Variants in PKHD1 observed in about 807,000 individuals in gnomAD.
The protein encoded by PKHD1 is fibrocystin.
Under a neutral mutation model 412.0 loss-of-function variants are expected in PKHD1, and 291 were observed. The observed-to-expected ratio is 0.71, with a 90% CI of 0.64 to 0.78. The LOEUF (loss-of-function observed/expected upper bound fraction) is 0.78. Among genes scored for constraint, PKHD1 ranks in the 30% least tolerant of loss-of-function variants. The pLI, the probability that PKHD1 is intolerant of heterozygous loss-of-function variation, is 0.00. For missense variants in PKHD1, 4,825 were observed against 4,950.7 expected, an observed-to-expected ratio of 0.97 and a Z score of 0.76; for synonymous variants, 1,777 against 1,821.5, an observed-to-expected ratio of 0.98 and a Z score of 0.62.
chr6:51,624,614 T>C (rs908998034), intron 66 of PKHD1, among the ~76,000 whole-genome samples: 17 of 152,216 alleles, frequency 1.1e-4, no homozygotes, highest in African/African-American at 3.1e-4. Context: ...GTCTTTTTTT[T>C]CCCCAGCAGT....
chr6:52,007,599 T>A (rs1461377304), intron 35 of PKHD1, among the ~76,000 whole-genome samples: 1 of 152,214 alleles, frequency 6.6e-6, no homozygotes, highest in Non-Finnish European at 1.5e-5. Context: ...GGTGACATAC[T>A]ATCCCAGCAT....
intron 60 of PKHD1, chr6:51,741,208 C>G: frequency 1.9e-6 from 1 of 518,746 alleles, no homozygotes; most frequent in South Asian, 1.4e-5. Flanking sequence ...AATGAACACT[C>G]TTATGATTAA....
intron 60 of PKHD1, among the ~76,000 whole-genome samples, chr6:51,712,230 A>T (rs1416487486): frequency 6.6e-6 from 1 of 152,144 alleles, no homozygotes; most frequent in Non-Finnish European, 1.5e-5. Flanking sequence ...AGTTCAGAAC[A>T]CACTGAACCG....
rs114386968 is a variant in PKHD1 at position 51,968,568 on chromosome 6, C to T, written c.5752-8542G>A. On this transcript the variant is annotated intron_variant, in intron 35 of 66. Transcript: ENST00000371117. ...CTTGTTGACATCAGACATGTCCCAG[C>T]TTTAATACTGAATATAGGGCTGGGT... Among the ~76,000 whole-genome samples, 544 of 152,266 alleles carry T rather than the reference C, an allele frequency of 3.6e-3. 1 individual carries two copies. The highest frequency in any genetic ancestry group is 0.013 in the African/African-American group (523 of 41,550).
At position 52,022,899 on chromosome 6, in the gene PKHD1, G is replaced by T; in HGVS notation, c.5282C>A (p.Ser1761Tyr). Residue 1761 changes from serine (S) to tyrosine (Y), a missense_variant, in exon 33 of 67, where the codon TCT (serine) becomes TAT (tyrosine). Coordinates refer to ENST00000371117, the MANE Select transcript of PKHD1 (RefSeq NM_138694.4). ...CACAGCAGCTGAGACATTCCCTGGA[G>T]AAAATCCCGCTCCAAACACATGCAC... is the stretch of plus-strand genomic sequence containing the variant. The part of the protein sequence containing the change: ...RLVHVFGAGF[S>Y]PGNVSAAVCG... 2 of 1,614,128 alleles carry T rather than the reference G, an allele frequency of 1.2e-6. No homozygotes were observed. The highest frequency in any genetic ancestry group is 1.7e-6 in the Non-Finnish European group (2 of 1,180,026).
Position 51,638,860 on chromosome 6 carries a change from G to A in PKHD1, c.11495C>T (p.Thr3832Ile), listed in dbSNP as rs773561002. ...GSNWHFIFTV[T>I]SPPGVNFTAR... is the part of the protein sequence containing the mutation. Reference sequence around the variant, plus strand: ...CTGTATAAAATTACCTGGAGGAGAAGTGACAGTAAAAATAAAGTGCCAGTT... The same window carrying A: ...CTGTATAAAATTACCTGGAGGAGAAATGACAGTAAAAATAAAGTGCCAGTT... The change falls in exon 64 of 67, where the codon ACT (threonine) becomes ATT (isoleucine). Residue 3832 changes from threonine to isoleucine, a missense_variant. Transcript: ENST00000371117. The A allele has an allele frequency of 1.9e-6, 3 of 1,573,068 alleles. No homozygotes were observed. In the South Asian group the frequency reaches 3.3e-5, roughly 17 times the overall value.
chr6:51,977,855 T>C (rs1163134721), intron 35 of PKHD1, among the ~76,000 whole-genome samples: 3 of 152,144 alleles, frequency 2.0e-5, no homozygotes, highest in Non-Finnish European at 2.9e-5. Flanking sequence ...GCAAGCTACA[T>C]GTCACCTCTG....
intron 36 of PKHD1, among the ~76,000 whole-genome samples, chr6:51,952,034 G>A (rs976303048): frequency 1.3e-5 from 2 of 152,126 alleles, no homozygotes; most frequent in African/African-American, 4.8e-5. Context: ...AAGTTGTCAA[G>A]ACATAAAACT....
chr6:51,722,947 TC>T (rs1782109988), intron 60 of PKHD1, among the ~76,000 whole-genome samples: 1 of 152,172 alleles, frequency 6.6e-6, no homozygotes, highest in Admixed American at 6.5e-5. Flanking sequence ...CAATAAAGGG[TC>T]ATTCTCATTT....
intron 54 of PKHD1, among the ~76,000 whole-genome samples, chr6:51,773,926 C>T (rs991732872): frequency 1.3e-5 from 2 of 151,594 alleles, no homozygotes; most frequent in Admixed American, 1.3e-4. Flanking sequence ...ATAAAAAGAA[C>T]CCCATTTTCA....
intron 60 of PKHD1, chr6:51,721,324 T>G (rs1781898782): frequency 1.4e-6 from 1 of 736,068 alleles, no homozygotes; most frequent in Middle Eastern, 7.0e-4. Flanking sequence ...AACCCACTAT[T>G]ATTGGTATAT....
At chr6:52,049,723 C>A (rs1397694954) in intron 22 of PKHD1, among the ~76,000 whole-genome samples, 1 of 152,124 alleles carries the variant, frequency 6.6e-6, no homozygotes, top group Non-Finnish European at 1.5e-5. Context: ...TTTTTCTTCT[C>A]TAGACATTTC....
At chr6:52,044,611 G>A (rs1805483329) in intron 25 of PKHD1, among the ~76,000 whole-genome samples, 1 of 151,836 alleles carries the variant, frequency 6.6e-6, no homozygotes, top group African/African-American at 2.4e-5. Flanking sequence ...TGGAAAGATA[G>A]GAAAAAAATA....
intron 55 of PKHD1, among the ~76,000 whole-genome samples, chr6:51,766,759 T>C (rs1034143087): frequency 4.6e-5 from 7 of 152,132 alleles, no homozygotes; most frequent in East Asian, 1.9e-4. Context: ...GGGATAGCAT[T>C]AGGAAATATA....
intron 20 of PKHD1, among the ~76,000 whole-genome samples, 165 bp from the exon 21 acceptor site, chr6:52,053,416 T>A (rs1480353464): frequency 6.6e-6 from 1 of 152,140 alleles, no homozygotes; most frequent in African/African-American, 2.4e-5. Context: ...GCTACAAACA[T>A]CCCACCCAAG....
intron 48 of PKHD1, 80 bp from the exon 49 acceptor site, chr6:51,856,150 A>T (rs1773272042): frequency 2.3e-6 from 2 of 857,700 alleles, no homozygotes; most frequent in Non-Finnish European, 4.0e-6. Context: ...CTCTTTCATC[A>T]ATTGCAATCA....
intron 47 of PKHD1, among the ~76,000 whole-genome samples, chr6:51,870,299 C>T (rs1775776493): frequency 6.6e-6 from 1 of 152,108 alleles, no homozygotes; most frequent in Non-Finnish European, 1.5e-5. Flanking sequence ...GTGATAGGCA[C>T]CATAATAGGA....
chr6:51,977,990 A>G (rs548622722), intron 35 of PKHD1, among the ~76,000 whole-genome samples: 3 of 152,234 alleles, frequency 2.0e-5, no homozygotes, highest in South Asian at 2.1e-4. Flanking sequence ...TCCTCCCCGC[A>G]AAAAAATGGG....
chr6:52,071,505 C>T (rs1348914415), intron 8 of PKHD1, among the ~76,000 whole-genome samples: 1 of 151,954 alleles, frequency 6.6e-6, no homozygotes, highest in Non-Finnish European at 1.5e-5. Flanking sequence ...GAGTATCATT[C>T]TTGTAATGGC....
Sources: gnomAD v4.1 joint callset for allele counts (sites outside exome capture counted in the v4.1 genomes callset) on GRCh38, gnomAD v4.1.1 for gene constraint, MANE v1.5 for transcripts, NCBI Gene and HGNC (gene_info 2026-07-23, HGNC 2026-07-21) for gene names.